Variants in MS4A7 observed in about 807,000 individuals in gnomAD.
The protein encoded by MS4A7 is membrane spanning 4-domains A7.
A neutral mutation model predicts 23.5 loss-of-function variants in MS4A7; 21 were observed. The ratio of observed to expected loss-of-function variants is 0.89; its 90% CI spans 0.63 to 1.29. MS4A7 has a LOEUF of 1.29. Among genes scored for constraint, MS4A7 ranks in the 50% most tolerant of loss-of-function variants. MS4A7 has a pLI of 0.00. For missense variants in MS4A7, 263 were observed against 274.2 expected (o/e 0.96, Z 0.29); for synonymous variants, 111 against 107.4 (o/e 1.03, Z -0.21).
rs1590798940 is a variant in MS4A7, at chr11:60,392,904, A to G, written c.648+118A>G. ...TTATTGTTCATGAGGTGCATGTGGAAGGCCACTTTTATAATTAAAAAAATG... is the reference window on the plus strand; with the variant it reads ...TTATTGTTCATGAGGTGCATGTGGAGGGCCACTTTTATAATTAAAAAAATG... On this transcript the variant is annotated intron_variant, in intron 6 of 6. Coordinates refer to ENST00000300184, the MANE Select transcript of MS4A7 (RefSeq NM_021201.5). The G allele has an allele frequency of 6.0e-6, 4 of 670,956 alleles. No individual in the cohort carries two copies. In the East Asian group the frequency reaches 1.1e-4, roughly 19 times the overall value. 41.6% of individuals were successfully genotyped at this position (670,956 alleles called of 1,614,324 possible).
At chr11:60,388,068 T>C (rs2085510593) in intron 4 of MS4A7, among the ~76,000 whole-genome samples, 1 of 152,230 alleles carries the variant, frequency 6.6e-6, no homozygotes, top group East Asian at 1.9e-4. Context: ...CCTTTTCTAC[T>C]CCAGCTCTGT....
chr11:60,379,651 G>C (rs1250439886), intron 1 of MS4A7, among the ~76,000 whole-genome samples: 3 of 152,054 alleles, frequency 2.0e-5, no homozygotes, highest in Non-Finnish European at 4.4e-5. Context: ...TCCCATCTCA[G>C]CCTCCTGAGT....
At chr11:60,391,657 A>G (rs762806406) in intron 5 of MS4A7, among the ~76,000 whole-genome samples, 6 of 152,180 alleles carry the variant, frequency 3.9e-5, no homozygotes, top group Non-Finnish European at 8.8e-5. Flanking sequence ...AGTGGCTCAC[A>G]ACTGTAATTC....
Position 60,394,114 on chromosome 11 carries a change from A to G in MS4A7, c.*253A>G. The G allele has an allele frequency of 3.1e-6, 1 of 317,978 alleles. No homozygotes were observed. Among genetic ancestry groups the G allele is most frequent in the East Asian group, 6.0e-5 (1 of 16,794 alleles). 19.7% of individuals were successfully genotyped at this position (317,978 alleles called of 1,614,324 possible). A position where few individuals can be genotyped will look rare whatever the true frequency, so the allele number is the denominator to read the frequency against. ...AAACTTTATAAACTGCTTTGGGTAA[A>G]CTGAGCAGAAGGTGATACACAGAAG... On this transcript the variant is annotated 3_prime_UTR_variant, in exon 7 of 7. Coordinates refer to ENST00000300184, the MANE Select transcript of MS4A7 (RefSeq NM_021201.5).
intron 1 of MS4A7, among the ~76,000 whole-genome samples, chr11:60,379,546 GTTT>G (rs761582810): frequency 3.6e-5 from 3 of 82,532 alleles, no homozygotes; most frequent in East Asian, 4.8e-4. Flanking sequence ...TTGTTTGTTT[GTTT>G]TTTAATTGAG....
chr11:60,395,670 C>A lies in MS4A7; in HGVS notation c.*1809C>A, dbSNP rs1395839588. The stretch of plus-strand genomic sequence containing the variant: ...TTAACTTTATGAAAGCTAAAATATT[C>A]TCTGTTATAAAGGGGCAACTCCATC... On this transcript the variant is annotated 3_prime_UTR_variant, in exon 7 of 7. Transcript: ENST00000300184. 6.6e-6 allele frequency: 1 copy of A among 151,958 alleles called. No individual in the cohort carries two copies. Among genetic ancestry groups the A allele is most frequent in the African/African-American group, 2.4e-5 (1 of 41,376 alleles). The allele number at this position is 151,958 out of a possible 1,614,324, so 9.4% of individuals were successfully genotyped here.
At chr11:60,388,003 C>T (rs2085510114) in intron 4 of MS4A7, among the ~76,000 whole-genome samples, 1 of 152,200 alleles carries the variant, frequency 6.6e-6, no homozygotes, top group Non-Finnish European at 1.5e-5. Context: ...ACATGCTCCT[C>T]TCTGTTTAAG....
intron 1 of MS4A7, among the ~76,000 whole-genome samples, chr11:60,380,043 A>G (rs1410722784): frequency 6.6e-6 from 1 of 152,246 alleles, no homozygotes; most frequent in Non-Finnish European, 1.5e-5. Flanking sequence ...GGTGCCTCAC[A>G]TAAGTAGAAT....
chr11:60,392,758 G>A lies in MS4A7; in HGVS notation c.620G>A (p.Trp207Ter). Reference sequence around the variant, plus strand: ...GCTGCATACAGTTCTGTCTTTTGGTGGAAACAGCTCTACTCCAACAACCCT... The same window carrying A: ...GCTGCATACAGTTCTGTCTTTTGGTAGAAACAGCTCTACTCCAACAACCCT... The part of the protein sequence containing the change: ...LLAAYSSVFW[W>*]KQLYSNNPGS... The change falls in exon 6 of 7, where the codon TGG (tryptophan) becomes TAG (stop). Residue 207 changes from tryptophan (W) to a stop codon, truncating the protein, a stop_gained. Coordinates refer to ENST00000300184, the MANE Select transcript of MS4A7 (RefSeq NM_021201.5). LOFTEE classifies it low-confidence loss of function (END_TRUNC). 2 of 1,613,830 alleles carry A rather than the reference G, an allele frequency of 1.2e-6. No homozygotes were observed. Among genetic ancestry groups the A allele is most frequent in the Middle Eastern group, 1.7e-4 (1 of 6,020 alleles).
intron 6 of MS4A7, among the ~76,000 whole-genome samples, chr11:60,393,487 C>T (rs2085575816): frequency 6.6e-6 from 1 of 152,190 alleles, no homozygotes; most frequent in Non-Finnish European, 1.5e-5. Flanking sequence ...CTTACATCCC[C>T]TTAGCTCTTG....
intron 2 of MS4A7, 137 bp downstream of exon 2, chr11:60,383,425 G>A (rs2085451172): frequency 1.0e-6 from 1 of 955,396 alleles, no homozygotes; most frequent in Non-Finnish European, 1.5e-6. Context: ...ATGAAATGGA[G>A]CTTTAAGGGA....
At chr11:60,390,735 C>A (rs538913956) in intron 5 of MS4A7, among the ~76,000 whole-genome samples, 23 of 152,266 alleles carry the variant, frequency 1.5e-4, no homozygotes, top group African/African-American at 5.1e-4. Flanking sequence ...TCTGAGACAA[C>A]TGGAGTCCAA....
intron 4 of MS4A7, among the ~76,000 whole-genome samples, chr11:60,387,540 T>C (rs1007444409): frequency 5.3e-5 from 8 of 152,052 alleles, no homozygotes; most frequent in African/African-American, 1.4e-4. Context: ...TGCTTGATAA[T>C]TGGATGTTTG....
At chr11:60,388,207 T>A (rs959034858) in intron 4 of MS4A7, among the ~76,000 whole-genome samples, 27 of 152,336 alleles carry the variant, frequency 1.8e-4, no homozygotes, top group East Asian at 1.2e-3. Context: ...GGAGCCCACA[T>A]TGTTGTCAAG....
chr11:60,385,168 T>C lies in MS4A7; in HGVS notation c.228T>C (p.Asn76=). 2 of 1,614,146 alleles carry C rather than the reference T, an allele frequency of 1.2e-6. No homozygotes were observed. Among genetic ancestry groups the C allele is most frequent in the Non-Finnish European group, 1.7e-6 (2 of 1,180,006 alleles). ...LVFAPYPSHF[N]PAISTTLMSG... is the part of the protein sequence containing the mutation. ...TTGCTCCCTACCCCTCCCACTTCAA[T>C]CCAGCAATTTCCACCACTTTGATGT... is the stretch of plus-strand genomic sequence containing the variant. Residue 76 remains asparagine (N), a synonymous_variant, in exon 3 of 7, where the codon AAT becomes AAC. Coordinates refer to ENST00000300184, the MANE Select transcript of MS4A7 (RefSeq NM_021201.5).
At chr11:60,392,981 T>C (rs936811579) in intron 6 of MS4A7, among the ~76,000 whole-genome samples, 195 bp downstream of exon 6, 5 of 152,124 alleles carry the variant, frequency 3.3e-5, no homozygotes, top group African/African-American at 1.2e-4. Flanking sequence ...ACTAGCCAGG[T>C]GCAGTGGCAC....
intron 4 of MS4A7, among the ~76,000 whole-genome samples, chr11:60,388,870 G>C (rs180942309): frequency 1.6e-3 from 249 of 152,324 alleles, no homozygotes; most frequent in Admixed American, 3.1e-3. Flanking sequence ...AAGATCAATT[G>C]CTTGTCAATT....
At chr11:60,384,160 T>C (rs1392767882) in intron 2 of MS4A7, among the ~76,000 whole-genome samples, 1 of 152,222 alleles carries the variant, frequency 6.6e-6, no homozygotes, top group African/African-American at 2.4e-5. Flanking sequence ...CTATTCTTAG[T>C]ACAGCAGGTA....
At chr11:60,381,906 T>C (rs997937069) in intron 1 of MS4A7, among the ~76,000 whole-genome samples, 2 of 152,078 alleles carry the variant, frequency 1.3e-5, no homozygotes, top group South Asian at 2.1e-4. Context: ...CACTTTTCCA[T>C]CTCCCTCACT....
Sources: gnomAD v4.1 joint callset for allele counts (sites outside exome capture counted in the v4.1 genomes callset) on GRCh38, gnomAD v4.1.1 for gene constraint, MANE v1.5 for transcripts, NCBI Gene and HGNC (gene_info 2026-07-23, HGNC 2026-07-21) for gene names.